The following OSBPL10 variants were observed in gnomAD, a reference collection of about 807,000 sequenced individuals.
OSBPL10 encodes oxysterol-binding protein-related protein 10.
Under a neutral mutation model 81.7 loss-of-function variants are expected in OSBPL10, and 49 were observed. That is an observed-to-expected ratio of 0.60 (90% CI 0.48 to 0.76). The LOEUF (loss-of-function observed/expected upper bound fraction) is 0.76. Among genes scored for constraint, OSBPL10 ranks in the 30% least tolerant of loss-of-function variants. The pLI, the probability that OSBPL10 is intolerant of heterozygous loss-of-function variation, is 0.00. For synonymous variants in OSBPL10, 419 were observed against 383.6 expected, an observed-to-expected ratio of 1.09 and a Z score of -1.08; for missense variants, 923 against 987.8, an observed-to-expected ratio of 0.93 and a Z score of 0.88.
At chr3:31,897,985 G>A (rs1256692519) in intron 1 of OSBPL10, among the ~76,000 whole-genome samples, 1 of 124,980 alleles carries the variant, frequency 8.0e-6, no homozygotes, top group Non-Finnish European at 1.6e-5. Flanking sequence ...CCCAGCTTGG[G>A]TGACACAGCG....
Position 31,814,126 on chromosome 3 carries a change from C to T in OSBPL10, c.729+15914G>A, listed in dbSNP as rs1014712959. 3.3e-5 allele frequency among the ~76,000 whole-genome samples: 5 copies of T among 152,274 alleles called. No individual in the cohort carries two copies. In the South Asian group the frequency reaches 1.0e-3, roughly 32 times the overall value. ...GGCAGGGTGGAGTCTACTCCTGTGC[C>T]TGACAAGCTCCAACAAGACTACCGC... On this transcript the variant is annotated intron_variant, in intron 4 of 11. Coordinates refer to ENST00000396556, the MANE Select transcript of OSBPL10 (RefSeq NM_017784.5).
At chr3:31,774,775 T>C (rs1005767179) in intron 4 of OSBPL10, among the ~76,000 whole-genome samples, 4 of 150,994 alleles carry the variant, frequency 2.6e-5, no homozygotes, top group Admixed American at 1.3e-4. Flanking sequence ...CCTCCCAAAG[T>C]GCTGGGATTA....
At chr3:31,988,799 G>A (rs1446989204) in intron 2 of OSBPL10, 2 of 484,816 alleles carry the variant, frequency 4.1e-6, no homozygotes, top group Non-Finnish European at 7.4e-6. Flanking sequence ...TAACAGCCAT[G>A]TGAGTGACCT....
At chr3:31,726,447 G>C (rs1696810763) in intron 6 of OSBPL10, among the ~76,000 whole-genome samples, 3 of 151,924 alleles carry the variant, frequency 2.0e-5, no homozygotes, top group Admixed American at 2.0e-4. Flanking sequence ...CTCCCAAGTA[G>C]CTGGGATTGT....
intron 2 of OSBPL10, chr3:31,989,677 A>C: frequency 6.2e-7 from 1 of 1,614,054 alleles, no homozygotes; most frequent in Non-Finnish European, 8.5e-7. Flanking sequence ...TTCTAGGCCC[A>C]AAATCCATAT....
chr3:31,928,572 C>CA (rs879072819), intron 1 of OSBPL10, among the ~76,000 whole-genome samples: 3 of 151,968 alleles, frequency 2.0e-5, no homozygotes, highest in Non-Finnish European at 4.4e-5. Context: ...GTCAGGTGTT[C>CA]AAGACCAGTC....
Position 31,708,103 on chromosome 3 carries a change from A to T in OSBPL10, c.1096-5595T>A, listed in dbSNP as rs114050667. On this transcript the variant is annotated intron_variant, in intron 6 of 11. Coordinates refer to ENST00000396556, the MANE Select transcript of OSBPL10 (RefSeq NM_017784.5). Reference sequence around the variant, plus strand: ...TTTCAGGTCTTCAGTTAAAATTTTTAAATTTTTTATTAAATTAGAGACAGG... The same window carrying T: ...TTTCAGGTCTTCAGTTAAAATTTTTTAATTTTTTATTAAATTAGAGACAGG... Among the ~76,000 whole-genome samples, 1,008 of 152,266 alleles carry T rather than the reference A, an allele frequency of 6.6e-3. 12 individuals carry two copies. The highest frequency in any genetic ancestry group is 0.023 in the African/African-American group (935 of 41,542).
At chr3:31,811,206 G>T (rs1003159728) in intron 4 of OSBPL10, among the ~76,000 whole-genome samples, 1 of 152,142 alleles carries the variant, frequency 6.6e-6, no homozygotes, top group Non-Finnish European at 1.5e-5. Context: ...GGGGATGCTG[G>T]GGGTGGGCAA....
chr3:31,946,564 G>T (rs117484718), intron 1 of OSBPL10, among the ~76,000 whole-genome samples: 2,099 of 152,292 alleles, frequency 0.014, 125 homozygotes, highest in Admixed American at 0.099. Context: ...GACAGCGTGT[G>T]AACAGAGCAA....
In OSBPL10 at chr3:31,830,218, G is replaced by A. The variant is rs138158251; in HGVS notation, c.551C>T (p.Ser184Phe). ...GAGCAAAGTGAGACTTCGGCTTCGG[G>A]AGCTTGGAGCACTCTAGAATAAGCA... ...MEMNSKSAPS[S>F]RSRSLTLLPH... The change falls in exon 4 of 12, where the codon TCC (serine) becomes TTC (phenylalanine). Residue 184 changes from serine (S) to phenylalanine (F), a missense_variant. By Grantham distance (155) the Ser-to-Phe change is radical (BLOSUM62 -2). This residue lies in a region of OSBPL10 where 514 missense variants were observed against 508.0 expected (regional missense o/e 1.01). Coordinates refer to ENST00000396556, the MANE Select transcript of OSBPL10 (RefSeq NM_017784.5). 7.4e-6 allele frequency: 12 copies of A among 1,613,518 alleles called. No homozygotes were observed. In the Admixed American group the frequency reaches 8.3e-5, roughly 11 times the overall value.
At chr3:32,042,667 G>A (rs956639734) in intron 2 of OSBPL10, among the ~76,000 whole-genome samples, 2 of 152,206 alleles carry the variant, frequency 1.3e-5, no homozygotes, top group South Asian at 2.1e-4. Context: ...GGGTCACCGG[G>A]GGTGACATCA....
At chr3:31,896,812 G>A (rs529553794) in intron 1 of OSBPL10, among the ~76,000 whole-genome samples, 1 of 152,306 alleles carries the variant, frequency 6.6e-6, no homozygotes, top group African/African-American at 2.4e-5. Flanking sequence ...CAGGCCACAG[G>A]AGGCAGAGTT....
At chr3:31,987,339 C>T (rs1698948607) in intron 2 of OSBPL10, among the ~76,000 whole-genome samples, 1 of 152,008 alleles carries the variant, frequency 6.6e-6, no homozygotes, top group African/African-American at 2.4e-5. Flanking sequence ...CTATATGCAC[C>T]CTAATTTAAT....
chr3:31,687,038 T>A (rs893642585), intron 7 of OSBPL10, among the ~76,000 whole-genome samples: 1 of 152,264 alleles, frequency 6.6e-6, no homozygotes, highest in East Asian at 1.9e-4. Flanking sequence ...TGGAAATCCC[T>A]TAATGAAGCC....
intron 5 of OSBPL10, among the ~76,000 whole-genome samples, chr3:31,741,232 G>C (rs1309159835): frequency 6.6e-6 from 1 of 152,210 alleles, no homozygotes; most frequent in Non-Finnish European, 1.5e-5. Flanking sequence ...CATATTCCCA[G>C]TGGAAAGCCA....
intron 4 of OSBPL10, among the ~76,000 whole-genome samples, chr3:31,812,550 C>T (rs1216591050): frequency 6.6e-6 from 1 of 151,820 alleles, no homozygotes; most frequent in Non-Finnish European, 1.5e-5. Context: ...GAAGTATTGT[C>T]GCTGTGATTT....
intron 2 of OSBPL10, among the ~76,000 whole-genome samples, chr3:32,017,257 A>G (rs190878825): frequency 1.2e-4 from 18 of 152,254 alleles, no homozygotes; most frequent in African/African-American, 3.6e-4. Context: ...CTTTCAAAGA[A>G]GTTAAAAAGC....
At chr3:31,948,722 T>C (rs1372680253) in intron 1 of OSBPL10, among the ~76,000 whole-genome samples, 1 of 152,186 alleles carries the variant, frequency 6.6e-6, no homozygotes, top group African/African-American at 2.4e-5. Flanking sequence ...GCCTTTCCTT[T>C]CCACTAAAGC....
intron 7 of OSBPL10, among the ~76,000 whole-genome samples, chr3:31,691,180 G>GA (rs1461896162): frequency 2.0e-5 from 3 of 151,750 alleles, no homozygotes; most frequent in East Asian, 3.9e-4. Context: ...TGGGGGGAAG[G>GA]AAAAAAAGAG....
Sources: allele counts gnomAD v4.1 joint callset (sites outside exome capture counted in the v4.1 genomes callset), GRCh38; gene constraint gnomAD v4.1.1; regional missense constraint gnomAD v4.1.1; transcripts MANE v1.5; gene names NCBI Gene and HGNC (gene_info 2026-07-23, HGNC 2026-07-21).